CATSPERE: variants seen among roughly 807,000 people sequenced by gnomAD.
CATSPERE encodes the protein cation channel sperm-associated auxiliary subunit epsilon.
In CATSPERE, 93 loss-of-function variants were observed where a neutral mutation model predicts 114.1. The observed-to-expected ratio is 0.81, with a 90% CI of 0.69 to 0.97. The LOEUF is 0.97. Among genes scored for constraint, CATSPERE ranks in the 50% least tolerant of loss-of-function variants. CATSPERE has a pLI of 0.00. For missense variants in CATSPERE, 1,058 were observed against 1,131.6 expected (o/e 0.93, Z 0.93); for synonymous variants, 341 against 384.1 (o/e 0.89, Z 1.31).
intron 5 of CATSPERE, among the ~76,000 whole-genome samples, chr1:244,483,581 TTGAG>T (rs1358120591): frequency 1.3e-5 from 2 of 152,312 alleles, no homozygotes; most frequent in East Asian, 3.9e-4. Flanking sequence ...TACTGATGCG[TTGAG>T]TGTTTTTTAT....
At chr1:244,545,204 C>A (rs1659537880) in intron 8 of CATSPERE, among the ~76,000 whole-genome samples, 1 of 152,168 alleles carries the variant, frequency 6.6e-6, no homozygotes, top group Non-Finnish European at 1.5e-5. Context: ...AAATTTCTTG[C>A]AGTCCAGTGG....
intron 5 of CATSPERE, among the ~76,000 whole-genome samples, chr1:244,483,494 A>G (rs892822701): frequency 7.2e-5 from 11 of 152,104 alleles, no homozygotes; most frequent in African/African-American, 2.7e-4. Context: ...AACACTTAAA[A>G]TTGTCTGACT....
intron 7 of CATSPERE, among the ~76,000 whole-genome samples, chr1:244,511,690 T>A (rs2148332267): frequency 6.6e-6 from 1 of 152,338 alleles, no homozygotes; most frequent in Middle Eastern, 3.4e-3. Flanking sequence ...ATACCATCCT[T>A]TCACTTCCAG....
intron 6 of CATSPERE, among the ~76,000 whole-genome samples, chr1:244,492,743 A>G (rs1399340019): frequency 6.7e-6 from 1 of 149,504 alleles, no homozygotes; most frequent in Non-Finnish European, 1.5e-5. Context: ...CAACTTCAGC[A>G]AAGTCTCAGG....
At position 244,635,502 on chromosome 1, in the gene CATSPERE, A is replaced by C; in HGVS notation, c.2662A>C (p.Thr888Pro). 3 of 1,612,648 alleles carry C rather than the reference A, an allele frequency of 1.9e-6. No homozygotes were observed. Among genetic ancestry groups the C allele is most frequent in the Non-Finnish European group, 2.5e-6 (3 of 1,178,804 alleles). ...TCTGCTTTGCAGTTTCTGTAACCTAACAGCTATGTTTGCAATAGAGACATT... is the reference window on the plus strand; with the variant it reads ...TCTGCTTTGCAGTTTCTGTAACCTACCAGCTATGTTTGCAATAGAGACATT... ...LDPNYSFCNL[T>P]AMFAIETFGL... is the part of the protein sequence containing the mutation. Residue 888 changes from threonine (T) to proline (P), a missense_variant, in exon 21 of 22, where the codon ACA becomes CCA. This residue lies in a region of CATSPERE where 787 missense variants were observed against 905.6 expected (regional missense o/e 0.87). Transcript: ENST00000366534.
chr1:244,590,470 G>T (rs549441051), intron 14 of CATSPERE, among the ~76,000 whole-genome samples: 1 of 152,256 alleles, frequency 6.6e-6, no homozygotes, highest in Admixed American at 6.5e-5. Context: ...CCATTCTAAA[G>T]TATAGAATTC....
In CATSPERE at chr1:244,610,278, G is replaced by C. The variant is rs752562292; in HGVS notation, c.2442G>C (p.Met814Ile). ...ATGAAGCACAGACATGGAAGTCAAT[G>C]ATTGAACTTAACAAGCACCTCCCAC... Reference protein sequence around the residue: ...CLHEAQTWKSMIELNKHLPLE... With the variant: ...CLHEAQTWKSIIELNKHLPLE... The change falls in exon 19 of 22, where the codon ATG becomes ATC. Residue 814 changes from methionine to isoleucine, a missense_variant. Met to Ile is a conservative substitution (Grantham distance 10). This residue lies in a region of CATSPERE where 787 missense variants were observed against 905.6 expected (regional missense o/e 0.87). Transcript: ENST00000366534. The C allele has an allele frequency of 6.2e-7, 1 of 1,613,064 alleles. No homozygotes were observed. The highest frequency in any genetic ancestry group is 8.5e-7 in the Non-Finnish European group (1 of 1,179,492).
At chr1:244,580,211 A>ATT (rs747379847) in intron 11 of CATSPERE, among the ~76,000 whole-genome samples, 20,355 of 110,636 alleles carry the variant, frequency 0.18, 2,147 homozygotes, top group East Asian at 0.42. Context: ...TAATTTTTGT[A>ATT]TTTTTTTTTT....
intron 8 of CATSPERE, among the ~76,000 whole-genome samples, chr1:244,548,253 C>T (rs74881923): frequency 1.1e-4 from 16 of 152,320 alleles, no homozygotes; most frequent in Middle Eastern, 3.4e-3. Context: ...ACCCAATGCA[C>T]GCATGAAAGA....
chr1:244,612,555 T>C (rs2148696434), intron 19 of CATSPERE, among the ~76,000 whole-genome samples: 1 of 152,278 alleles, frequency 6.6e-6, no homozygotes, highest in East Asian at 1.9e-4. Flanking sequence ...CTTGTCTACA[T>C]CCACACGATA....
chr1:244,456,811 C>T (rs1666202865), upstream of CATSPERE, among the ~76,000 whole-genome samples: 1 of 152,186 alleles, frequency 6.6e-6, no homozygotes, highest in African/African-American at 2.4e-5. Flanking sequence ...GGCTCCATCC[C>T]TAGTATTAAC....
intron 13 of CATSPERE, among the ~76,000 whole-genome samples, chr1:244,585,883 C>T (rs931824144): frequency 6.6e-6 from 1 of 152,186 alleles, no homozygotes; most frequent in Non-Finnish European, 1.5e-5. Context: ...AGGCCAGCCC[C>T]CAGAGGGCCT....
At chr1:244,632,563 T>C (rs1466958701) in intron 20 of CATSPERE, among the ~76,000 whole-genome samples, 1 of 151,858 alleles carries the variant, frequency 6.6e-6, no homozygotes, top group Non-Finnish European at 1.5e-5. Context: ...TATATACAAA[T>C]AGTATACCAT....
intron 6 of CATSPERE, 64 bp downstream of exon 6, chr1:244,490,535 C>T: frequency 5.0e-6 from 5 of 992,800 alleles, no homozygotes; most frequent in Non-Finnish European, 6.2e-6. Flanking sequence ...TCTCTCTTAT[C>T]TTCCATATTT....
intron 8 of CATSPERE, among the ~76,000 whole-genome samples, chr1:244,533,710 G>A (rs906505641): frequency 1.3e-5 from 2 of 152,060 alleles, no homozygotes; most frequent in Middle Eastern, 3.4e-3. Context: ...ACATCTTATT[G>A]TACTGTCCAT....
At chr1:244,495,896 C>G (rs1299579133) in intron 6 of CATSPERE, among the ~76,000 whole-genome samples, 4 of 152,100 alleles carry the variant, frequency 2.6e-5, no homozygotes, top group Non-Finnish European at 5.9e-5. Context: ...TTTAACAGCC[C>G]AAGAGATTCG....
intron 8 of CATSPERE, among the ~76,000 whole-genome samples, chr1:244,531,090 G>A (rs1679514846): frequency 6.9e-6 from 1 of 144,796 alleles, no homozygotes; most frequent in South Asian, 2.1e-4. Context: ...TTTAAAAAAA[G>A]CCGGGTGTGG....
intron 19 of CATSPERE, among the ~76,000 whole-genome samples, chr1:244,611,213 A>G (rs1255014611): frequency 6.6e-6 from 1 of 152,214 alleles, no homozygotes; most frequent in East Asian, 1.9e-4. Flanking sequence ...AATGCATTAT[A>G]GGTGCTCATT....
At chr1:244,604,056 G>A (rs1387475610) in intron 17 of CATSPERE, among the ~76,000 whole-genome samples, 2 of 152,232 alleles carry the variant, frequency 1.3e-5, no homozygotes, top group African/African-American at 4.8e-5. Context: ...CAAACATTCT[G>A]TTCTTTCCAA....
Sources: gnomAD v4.1 joint callset for allele counts (sites outside exome capture counted in the v4.1 genomes callset) on GRCh38, gnomAD v4.1.1 for gene constraint, gnomAD v4.1.1 regional missense constraint, MANE v1.5 for transcripts, NCBI Gene and HGNC (gene_info 2026-07-23, HGNC 2026-07-21) for gene names.